The following RAE1 variants were observed in gnomAD, a reference collection of about 807,000 sequenced individuals.
RAE1 encodes the protein mRNA export factor RAE1.
In RAE1, 13 loss-of-function variants were observed where a neutral mutation model predicts 52.7. The observed-to-expected ratio is 0.25, with a 90% CI of 0.16 to 0.39. The LOEUF (loss-of-function observed/expected upper bound fraction) is 0.39. Among genes scored for constraint, RAE1 ranks in the 10% least tolerant of loss-of-function variants. RAE1 has a pLI of 1.00. For synonymous variants in RAE1, 164 were observed against 153.1 expected, an observed-to-expected ratio of 1.07 and a Z score of -0.52; for missense variants, 262 against 459.8, an observed-to-expected ratio of 0.57 and a Z score of 3.93.
chr20:57,364,484 TC>T (rs2066928431), intron 4 of RAE1, among the ~76,000 whole-genome samples: 2 of 152,214 alleles, frequency 1.3e-5, no homozygotes, highest in Non-Finnish European at 2.9e-5. Flanking sequence ...TTTTATCTCT[TC>T]TTTCAAATGA....
chr20:57,372,337 A>G (rs1238266700), intron 8 of RAE1: 6 of 152,366 alleles, frequency 3.9e-5, no homozygotes, highest in Admixed American at 3.9e-4. Flanking sequence ...ACCTGGTCCC[A>G]TCTGGCTTCA....
chr20:57,366,701 G>T (rs974889327), intron 5 of RAE1, 106 bp from the exon 6 acceptor site: 10 of 1,092,480 alleles, frequency 9.2e-6, no homozygotes, highest in Non-Finnish European at 1.4e-5. Context: ...GTTTGGTATG[G>T]CCCCAGTATT....
Position 57,366,988 on chromosome 20 carries a change from C to G in RAE1, c.463-20C>G, listed in dbSNP as rs1433896634. The G allele has an allele frequency of 6.2e-7, 1 of 1,601,114 alleles. No homozygotes were observed. Among genetic ancestry groups the G allele is most frequent in the Non-Finnish European group, 8.6e-7 (1 of 1,168,362 alleles). Reference sequence around the variant, plus strand: ...TCTGCTCTGAATGGTCACATACTGGCTTCTCTTTTTTGCTTTTAGTTTTGG... The same window carrying G: ...TCTGCTCTGAATGGTCACATACTGGGTTCTCTTTTTTGCTTTTAGTTTTGG... On this transcript the variant is annotated intron_variant, in intron 6 of 11. Transcript: ENST00000395841.
chr20:57,370,143 G>T (rs2067014724), intron 8 of RAE1, among the ~76,000 whole-genome samples: 1 of 152,104 alleles, frequency 6.6e-6, no homozygotes, highest in Non-Finnish European at 1.5e-5. Flanking sequence ...TTCCGCAGTG[G>T]GGCATCTTGG....
chr20:57,351,656 AC>A lies in RAE1; in HGVS notation c.-8+235del, dbSNP rs1322852647. ...GGGAACTGAGCCTCTGGGAAGGGTC[AC>A]ATTGCGTTAATGCAGTGTGTGTCGC... is the stretch of plus-strand genomic sequence containing the variant. On this transcript the variant is annotated intron_variant, in intron 1 of 11. Transcript: ENST00000395841. 12 of 985,452 alleles carry A rather than the reference AC, an allele frequency of 1.2e-5. No individual in the cohort carries two copies. In the African/African-American group the frequency reaches 2.1e-4, roughly 17 times the overall value. The allele number at this position is 985,452 out of a possible 1,614,324, so 61.0% of individuals were successfully genotyped here. A position where few individuals can be genotyped will look rare whatever the true frequency, so the allele number is the denominator to read the frequency against.
At chr20:57,366,971 G>C in intron 6 of RAE1, 37 bp from the exon 7 acceptor site, 1 of 1,586,642 alleles carries the variant, frequency 6.3e-7, no homozygotes, top group Non-Finnish European at 8.7e-7. Flanking sequence ...CTTCTGCTCT[G>C]AATGGTCACA....
At chr20:57,365,588 T>C in intron 5 of RAE1, 146 bp downstream of exon 5, 1 of 532,548 alleles carries the variant, frequency 1.9e-6, no homozygotes, top group Non-Finnish European at 3.1e-6. Context: ...CAGAAACCTC[T>C]TTAGCACAAA....
Position 57,364,926 on chromosome 20 carries a change from A to C in RAE1, c.289-430A>C, listed in dbSNP as rs186692429. Among the ~76,000 whole-genome samples, 314 of 152,336 alleles carry C rather than the reference A, an allele frequency of 2.1e-3. 2 individuals are homozygous for C. The highest frequency in any genetic ancestry group is 6.4e-3 in the African/African-American group (265 of 41,572). ...GTTTTGTATATAGAGAGAAAGATAA[A>C]TGTGACAGAATGTTTACAATTGATG... On this transcript the variant is annotated intron_variant, in intron 4 of 11. Coordinates refer to ENST00000395841, the MANE Select transcript of RAE1 (RefSeq NM_003610.4).
At position 57,354,706 on chromosome 20, in the gene RAE1, C is replaced by T. The variant is rs750712411; in HGVS notation, c.91-6C>T. The stretch of plus-strand genomic sequence containing the variant: ...ATACATTTTAACATTGACTTTTTTC[C>T]CGCAGGATATTGAAGTAACATCATC... On this transcript the variant is annotated splice_region_variant and splice_polypyrimidine_tract_variant and intron_variant, in intron 2 of 11. Transcript: ENST00000395841. 1.3e-6 allele frequency: 2 copies of T among 1,551,656 alleles called. No individual in the cohort carries two copies. The highest frequency in any genetic ancestry group is 2.4e-5 in the East Asian group (1 of 41,514).
rs570138001 is a variant in RAE1, at chr20:57,373,640, T to G, written c.750-23T>G. The G allele has an allele frequency of 1.4e-5, 22 of 1,613,466 alleles. No individual in the cohort carries two copies. The South Asian group carries it at 2.2e-4, about 16-fold the overall frequency. On this transcript the variant is annotated intron_variant, in intron 9 of 11. Transcript: ENST00000395841. ...TGGACTTTTTTTAACAAAGGAAGAC[T>G]TACATGAACCTTTGTCTTTCAGCGC...
At chr20:57,360,440 G>T (rs1240130377) in intron 4 of RAE1, among the ~76,000 whole-genome samples, 1 of 152,140 alleles carries the variant, frequency 6.6e-6, no homozygotes, top group Non-Finnish European at 1.5e-5. Context: ...GACGTATCGG[G>T]GTTTATTGAT....
intron 1 of RAE1, among the ~76,000 whole-genome samples, chr20:57,352,368 A>G (rs1017880372): frequency 6.6e-6 from 1 of 152,188 alleles, no homozygotes; most frequent in African/African-American, 2.4e-5. Flanking sequence ...AAGCTGAAGG[A>G]ACAGCACTAG....
rs771599526 is a variant in RAE1 at position 57,354,764 on chromosome 20, G to A, written c.143G>A (p.Ser48Asn). The stretch of plus-strand genomic sequence containing the variant: ...GATAGCATTGGTTGTCTGTCTTTTA[G>A]CCCACCAACCTTGCCGGGGAACTTT... ...PDDSIGCLSF[S>N]PPTLPGNFLI... Residue 48 changes from serine to asparagine, a missense_variant, in exon 3 of 12, where the codon AGC (serine) becomes AAC (asparagine). By Grantham distance (46) the Ser-to-Asn change is conservative (BLOSUM62 1). Transcript: ENST00000395841. 1.1e-5 allele frequency: 18 copies of A among 1,603,958 alleles called. No homozygotes were observed. Among genetic ancestry groups the A allele is most frequent in the Middle Eastern group, 1.7e-4 (1 of 6,058 alleles).
intron 4 of RAE1, among the ~76,000 whole-genome samples, chr20:57,361,484 T>G (rs1190213879): frequency 6.6e-6 from 1 of 152,202 alleles, no homozygotes; most frequent in Non-Finnish European, 1.5e-5. Flanking sequence ...AGGTTGATGG[T>G]AAAGTCAGAT....
Position 57,354,911 on chromosome 20 carries a change from T to C in RAE1, c.195+95T>C, listed in dbSNP as rs1473433094. The C allele has an allele frequency of 5.5e-6, 5 of 914,810 alleles. No homozygotes were observed. The East Asian group carries it at 1.4e-4, about 26-fold the overall frequency. The allele number at this position is 914,810 out of a possible 1,614,324, so 56.7% of individuals were successfully genotyped here. On this transcript the variant is annotated intron_variant, in intron 3 of 11. Transcript: ENST00000395841. ...GTTGTTTCCCAAGTAAATGAATCAG[T>C]TGGACTTATTTATGGCCTTTTTTGA...
At chr20:57,376,062 G>A (rs1233351511) in intron 11 of RAE1, among the ~76,000 whole-genome samples, 2 of 152,184 alleles carry the variant, frequency 1.3e-5, no homozygotes, top group East Asian at 1.9e-4. Context: ...GGCCCTGCCC[G>A]CTCCACCTTT....
rs576102977 is a variant in RAE1, at chr20:57,373,101, C to T, written c.643-374C>T. 67 of 245,150 alleles carry T rather than the reference C, an allele frequency of 2.7e-4. No homozygotes were observed. In the Middle Eastern group the frequency reaches 9.4e-3, roughly 35 times the overall value. The allele number at this position is 245,150 out of a possible 1,614,324, so 15.2% of individuals were successfully genotyped here. A position where few individuals can be genotyped will look rare whatever the true frequency, so the allele number is the denominator to read the frequency against. ...CCTCCTCCAGCTGGGGAGGCAGAAG[C>T]GCAGAAGCTTCGGGTGACCTCCTGA... On this transcript the variant is annotated intron_variant, in intron 8 of 11. Coordinates refer to ENST00000395841, the MANE Select transcript of RAE1 (RefSeq NM_003610.4).
intron 4 of RAE1, among the ~76,000 whole-genome samples, chr20:57,363,445 T>G (rs1319985293): frequency 6.6e-6 from 1 of 152,098 alleles, no homozygotes; most frequent in East Asian, 1.9e-4. Context: ...CCCAGGAGAC[T>G]GAGGCTGCAG....
At chr20:57,351,807 A>G (rs955772328) in intron 1 of RAE1, 4 of 985,326 alleles carry the variant, frequency 4.1e-6, no homozygotes, top group Non-Finnish European at 3.6e-6. Context: ...AACCTGCTCC[A>G]TTTCTTTCGT....
Sources: allele counts gnomAD v4.1 joint callset (sites outside exome capture counted in the v4.1 genomes callset), GRCh38; gene constraint gnomAD v4.1.1; transcripts MANE v1.5; gene names NCBI Gene and HGNC (gene_info 2026-07-23, HGNC 2026-07-21).